The following PCSK9 variants were observed in gnomAD, a reference collection of about 807,000 sequenced individuals.
The protein encoded by PCSK9 is convertase subtilisin/kexin type 9 preproprotein.
In PCSK9, 57 loss-of-function variants were observed where a neutral mutation model predicts 62.1. That is an observed-to-expected ratio of 0.92 (90% CI 0.74 to 1.14). The LOEUF is 1.14. PCSK9 is among the 50% of genes most tolerant of loss of function. PCSK9 has a pLI of 0.00. For synonymous variants in PCSK9, 387 were observed against 409.4 expected, an observed-to-expected ratio of 0.95 and a Z score of 0.66; for missense variants, 870 against 959.8, an observed-to-expected ratio of 0.91 and a Z score of 1.24.
Position 55,046,646 on chromosome 1 carries a change from G to C in PCSK9, c.523G>C (p.Asp175His). The C allele has an allele frequency of 6.2e-7, 1 of 1,613,548 alleles. No individual in the cohort carries two copies. The part of the protein sequence containing the change: ...RYRADEYQPP[D>H]GGSLVEVYLL... ...CCGGGCGGATGAATACCAGCCCCCC[G>C]GTAAGACCCCCATCTGTGCCCTGCC... Residue 175 changes from aspartate (D) to histidine (H), a missense_variant and splice_region_variant, in exon 3 of 12, where the codon GAC becomes CAC. By Grantham distance (81) the Asp-to-His change is moderately conservative. Coordinates refer to ENST00000302118, the MANE Select transcript of PCSK9 (RefSeq NM_174936.4).
At chr1:55,062,050 G>A (rs1330011700) in intron 11 of PCSK9, among the ~76,000 whole-genome samples, 1 of 152,222 alleles carries the variant, frequency 6.6e-6, no homozygotes, top group African/African-American at 2.4e-5. Flanking sequence ...ACTGGGCTCT[G>A]AGGACACAGA....
chr1:55,049,415 G>A (rs1033792644), intron 3 of PCSK9, among the ~76,000 whole-genome samples: 9 of 152,328 alleles, frequency 5.9e-5, no homozygotes, highest in Non-Finnish European at 1.3e-4. Context: ...CTGCTCTGGA[G>A]GTATGCAAGC....
At position 55,046,566 on chromosome 1, in the gene PCSK9, C is replaced by T. The variant is rs1557500722; in HGVS notation, c.443C>T (p.Ser148Phe). 1 of 1,614,198 alleles carries T rather than the reference C, an allele frequency of 6.2e-7. No homozygotes were observed. Among genetic ancestry groups the T allele is most frequent in the Non-Finnish European group, 8.5e-7 (1 of 1,180,026 alleles). The change falls in exon 3 of 12, where the codon TCT becomes TTT. Residue 148 changes from serine (S) to phenylalanine (F), a missense_variant. By Grantham distance (155) the Ser-to-Phe change is radical. Coordinates refer to ENST00000302118, the MANE Select transcript of PCSK9 (RefSeq NM_174936.4). ...PHVDYIEEDS[S>F]VFAQSIPWNL... is the part of the protein sequence containing the mutation. ...GTCGACTACATCGAGGAGGACTCCT[C>T]TGTCTTTGCCCAGAGCATCCCGTGG...
chr1:55,063,211 G>C (rs1365284480), intron 11 of PCSK9, among the ~76,000 whole-genome samples, 158 bp from the exon 12 acceptor site: 2 of 152,172 alleles, frequency 1.3e-5, no homozygotes, highest in African/African-American at 2.4e-5. Context: ...GGGAGGTGCG[G>C]GGTGGGAGAT....
intron 5 of PCSK9, among the ~76,000 whole-genome samples, chr1:55,054,453 C>T (rs1644697892): frequency 6.6e-6 from 1 of 152,226 alleles, no homozygotes; most frequent in South Asian, 2.1e-4. Context: ...CTCAGTGCCA[C>T]TCCACTCCCT....
intron 7 of PCSK9, 60 bp from the exon 8 acceptor site, chr1:55,057,976 C>T: frequency 1.3e-6 from 2 of 1,598,502 alleles, no homozygotes; most frequent in East Asian, 2.2e-5. Context: ...TGGCAGGAGT[C>T]CCCTGCTGGG....
Position 55,055,983 on chromosome 1 carries a change from T to C in PCSK9, c.800-10T>C. 2 of 1,604,434 alleles carry C rather than the reference T, an allele frequency of 1.2e-6. No homozygotes were observed. The highest frequency in any genetic ancestry group is 1.7e-6 in the Non-Finnish European group (2 of 1,174,532). On this transcript the variant is annotated splice_polypyrimidine_tract_variant and intron_variant, in intron 5 of 11. Coordinates refer to ENST00000302118, the MANE Select transcript of PCSK9 (RefSeq NM_174936.4). ...TCCCCAAGGGGTGACCTTGGCTTTGTTCCTCCCAGGCCTGGAGTTTATTCG... is the reference window on the plus strand; with the variant it reads ...TCCCCAAGGGGTGACCTTGGCTTTGCTCCTCCCAGGCCTGGAGTTTATTCG...
At position 55,061,546 on chromosome 1, in the gene PCSK9, C is replaced by G. The variant is rs1324548567; in HGVS notation, c.1853C>G (p.Pro618Arg). Residue 618 changes from proline to arginine, a missense_variant, in exon 11 of 12, where the codon CCT (proline) becomes CGT (arginine). Physicochemically the swap from Pro to Arg is moderately radical, Grantham distance 103 (BLOSUM62 -2). Transcript: ENST00000302118. ...GTCAAGGAGCATGGAATCCCGGCCCCTCAGGAGCAGGTGAAGAGGCCCGTG... is the reference window on the plus strand; with the variant it reads ...GTCAAGGAGCATGGAATCCCGGCCCGTCAGGAGCAGGTGAAGAGGCCCGTG... The part of the protein sequence containing the change: ...CKVKEHGIPA[P>R]QEQVTVACEE... 3 of 1,597,222 alleles carry G rather than the reference C, an allele frequency of 1.9e-6. No individual in the cohort carries two copies. Among genetic ancestry groups the G allele is most frequent in the Non-Finnish European group, 1.7e-6 (2 of 1,172,284 alleles).
intron 1 of PCSK9, 139 bp from the exon 2 acceptor site, chr1:55,043,704 C>T: frequency 4.9e-6 from 5 of 1,015,884 alleles, no homozygotes; most frequent in Non-Finnish European, 7.4e-6. Context: ...TTTTGGTCCG[C>T]ATTTGGTAAC....
rs749032401 is a variant in PCSK9, at chr1:55,039,808, G to C, written c.-30G>C. The C allele has an allele frequency of 1.9e-6, 3 of 1,569,166 alleles. No individual in the cohort carries two copies. The East Asian group carries it at 6.9e-5, about 36-fold the overall frequency. ...CCGCGCACGGCCTCTAGGTCTCCTCGCCAGGACAGCAACCTCTCCCCTGGC... is the reference window on the plus strand; with the variant it reads ...CCGCGCACGGCCTCTAGGTCTCCTCCCCAGGACAGCAACCTCTCCCCTGGC... On this transcript the variant is annotated 5_prime_UTR_variant, in exon 1 of 12. Transcript: ENST00000302118.
At position 55,063,246 on chromosome 1, in the gene PCSK9, C is replaced by G. The variant is rs1644775926; in HGVS notation, c.1864-123C>G. Reference sequence around the variant, plus strand: ...TACACGGTTGTGTCCCAAATGGGCTCTGAGCCAGCGAGGGCCGTCTGCACT... The same window carrying G: ...TACACGGTTGTGTCCCAAATGGGCTGTGAGCCAGCGAGGGCCGTCTGCACT... On this transcript the variant is annotated intron_variant, in intron 11 of 11. Transcript: ENST00000302118. 19 of 1,066,558 alleles carry G rather than the reference C, an allele frequency of 1.8e-5. 1 individual carries two copies. In the South Asian group the frequency reaches 2.7e-4, roughly 15 times the overall value. 66.1% of individuals were successfully genotyped at this position (1,066,558 alleles called of 1,614,324 possible).
intron 1 of PCSK9, among the ~76,000 whole-genome samples, chr1:55,043,610 A>G (rs1311248504): frequency 1.3e-5 from 2 of 152,124 alleles, no homozygotes; most frequent in African/African-American, 4.8e-5. Flanking sequence ...CGTAGTTCCC[A>G]TTTTTGCCTG....
At chr1:55,054,642 G>A (rs530081912) in intron 5 of PCSK9, among the ~76,000 whole-genome samples, 49 of 152,300 alleles carry the variant, frequency 3.2e-4, no homozygotes, top group African/African-American at 1.2e-3. Context: ...GCACATCAGG[G>A]CCAGAGCTGC....
At chr1:55,051,341 A>G (rs1024597369) in intron 3 of PCSK9, 12 of 372,964 alleles carry the variant, frequency 3.2e-5, no homozygotes, top group Non-Finnish European at 1.6e-5. Flanking sequence ...TCCTGGCTGC[A>G]GGGGTTCCAG....
Position 55,063,789 on chromosome 1 carries a change from A to C in PCSK9, c.*205A>C. ...CACTCACTCTGGGTGCCTCCTCCCCAGGTGGAGGTGCCAGGAAGCTCCCTC... is the reference window on the plus strand; with the variant it reads ...CACTCACTCTGGGTGCCTCCTCCCCCGGTGGAGGTGCCAGGAAGCTCCCTC... On this transcript the variant is annotated 3_prime_UTR_variant, in exon 12 of 12. Transcript: ENST00000302118. The C allele has an allele frequency of 3.2e-6, 2 of 624,046 alleles. No individual in the cohort carries two copies. 38.7% of individuals were successfully genotyped at this position (624,046 alleles called of 1,614,324 possible).
In PCSK9 at chr1:55,056,149, G is replaced by A. The variant is rs1644712458; in HGVS notation, c.956G>A (p.Arg319Gln). The A allele has an allele frequency of 1.3e-6, 2 of 1,540,474 alleles. No homozygotes were observed. The highest frequency in any genetic ancestry group is 1.8e-5 in the Admixed American group (1 of 54,984). ...CTGGTCACCGCTGCCGGCAACTTCC[G>A]GGACGATGCCTGCCTCTACTCCCCA... ...VVLVTAAGNF[R>Q]DDACLYSPAS... Residue 319 changes from arginine (R) to glutamine (Q), a missense_variant, in exon 6 of 12, where the codon CGG becomes CAG. Transcript: ENST00000302118.
intron 9 of PCSK9, 105 bp from the exon 10 acceptor site, chr1:55,059,381 G>T (rs907717191): frequency 7.0e-7 from 1 of 1,426,800 alleles, no homozygotes; most frequent in African/African-American, 1.4e-5. Flanking sequence ...GCTGGCCCCT[G>T]GCAGGGACAC....
Position 55,057,436 on chromosome 1 carries a change from A to C in PCSK9, c.1102A>C (p.Ile368Leu), listed in dbSNP as rs749283996. 6.2e-7 allele frequency: 1 copy of C among 1,614,082 alleles called. No individual in the cohort carries two copies. ...CVDLFAPGED[I>L]IGASSDCSTC... ...GGACCTCTTTGCCCCAGGGGAGGACATCATTGGTGCCTCCAGCGACTGCAG... is the reference window on the plus strand; with the variant it reads ...GGACCTCTTTGCCCCAGGGGAGGACCTCATTGGTGCCTCCAGCGACTGCAG... The change falls in exon 7 of 12, where the codon ATC (isoleucine) becomes CTC (leucine). Residue 368 changes from isoleucine (I) to leucine (L), a missense_variant. Ile to Leu is a conservative substitution (Grantham distance 5, BLOSUM62 2). Transcript: ENST00000302118.
chr1:55,057,195 C>T (rs28362259), intron 6 of PCSK9, 136 bp from the exon 7 acceptor site: 1 of 1,141,106 alleles, frequency 8.8e-7, no homozygotes, highest in Admixed American at 1.8e-5. Context: ...GTCAGATTTT[C>T]CTTAGGAGGG....
Sources: gnomAD v4.1 joint callset for allele counts (sites outside exome capture counted in the v4.1 genomes callset) on GRCh38, gnomAD v4.1.1 for gene constraint, MANE v1.5 for transcripts, NCBI Gene and HGNC (gene_info 2026-07-23, HGNC 2026-07-21) for gene names.